CSMD1: variants seen among roughly 807,000 people sequenced by gnomAD.
CSMD1 encodes CUB and sushi domain-containing protein 1.
Under a neutral mutation model 417.5 loss-of-function variants are expected in CSMD1, and 213 were observed. The observed-to-expected ratio is 0.51, with a 90% CI of 0.46 to 0.57. CSMD1 has a LOEUF of 0.57. Among genes scored for constraint, CSMD1 ranks in the 20% least tolerant of loss-of-function variants. CSMD1 has a pLI of 0.00. For missense variants in CSMD1, 6,923 were observed against 4,529.7 expected (o/e 1.53, Z -15.17); for synonymous variants, 2,862 against 1,736.8 (o/e 1.65, Z -16.11).
intron 5 of CSMD1, among the ~76,000 whole-genome samples, chr8:3,933,045 T>A (rs1584989849): frequency 7.4e-6 from 1 of 135,580 alleles, no homozygotes; most frequent in Non-Finnish European, 1.6e-5. Flanking sequence ...AAAAAAAAAC[T>A]GCTTGTGGCA....
intron 1 of CSMD1, among the ~76,000 whole-genome samples, chr8:4,713,270 G>A (rs375072837): frequency 6.6e-6 from 1 of 152,250 alleles, no homozygotes; most frequent in Admixed American, 6.5e-5. Context: ...CGGAGCAGGA[G>A]AGTGTAGTTT....
intron 26 of CSMD1, among the ~76,000 whole-genome samples, chr8:3,234,072 A>G (rs1799011446): frequency 6.6e-6 from 1 of 152,084 alleles, no homozygotes; most frequent in Non-Finnish European, 1.5e-5. Flanking sequence ...GATATTTTCA[A>G]CCTCAGAAAG....
At chr8:4,751,111 G>T (rs7841214) in intron 1 of CSMD1, among the ~76,000 whole-genome samples, 4 of 152,284 alleles carry the variant, frequency 2.6e-5, no homozygotes, top group South Asian at 2.1e-4. Context: ...CTGCCTGGGA[G>T]CAGTGGCTCA....
At chr8:4,023,006 C>G (rs982533313) in intron 4 of CSMD1, among the ~76,000 whole-genome samples, 18 of 152,130 alleles carry the variant, frequency 1.2e-4, no homozygotes, top group Admixed American at 9.8e-4. Context: ...AGTCTTTTAC[C>G]AAATCCGTGT....
intron 23 of CSMD1, among the ~76,000 whole-genome samples, chr8:3,333,308 T>C (rs908386824): frequency 1.3e-5 from 2 of 152,328 alleles, no homozygotes; most frequent in Non-Finnish European, 2.9e-5. Flanking sequence ...TTCAGGCCCC[T>C]ACACGTGTGG....
At chr8:4,087,950 G>A (rs760871884) in intron 3 of CSMD1, among the ~76,000 whole-genome samples, 5 of 152,162 alleles carry the variant, frequency 3.3e-5, no homozygotes, top group Non-Finnish European at 5.9e-5. Context: ...AACAGGCTAA[G>A]AACGGTGGTA....
chr8:4,534,288 C>T (rs1312850925), intron 2 of CSMD1, among the ~76,000 whole-genome samples: 1 of 152,184 alleles, frequency 6.6e-6, no homozygotes, highest in Admixed American at 6.5e-5. Context: ...TCAAGGAGGC[C>T]AGCCCGACTC....
intron 46 of CSMD1, among the ~76,000 whole-genome samples, chr8:3,102,135 C>T (rs1815801734): frequency 6.6e-6 from 1 of 152,162 alleles, no homozygotes; most frequent in Non-Finnish European, 1.5e-5. Flanking sequence ...AGAAGACAGA[C>T]TAATAGCTAA....
chr8:4,869,163 T>C (rs1423744684), intron 1 of CSMD1, among the ~76,000 whole-genome samples: 1 of 152,024 alleles, frequency 6.6e-6, no homozygotes, highest in Admixed American at 6.6e-5. Flanking sequence ...ATCTATCTAG[T>C]AATAAATATG....
intron 7 of CSMD1, among the ~76,000 whole-genome samples, chr8:3,646,818 C>T (rs1177511762): frequency 1.3e-5 from 2 of 152,074 alleles, no homozygotes; most frequent in Admixed American, 6.6e-5. Flanking sequence ...TCTTGCTTCC[C>T]CTGCCTCCTC....
intron 50 of CSMD1, among the ~76,000 whole-genome samples, chr8:3,049,759 G>T (rs376791715): frequency 6.6e-6 from 1 of 152,054 alleles, no homozygotes; most frequent in Non-Finnish European, 1.5e-5. Flanking sequence ...TCATGTGAAC[G>T]CTGGGCTCTG....
At chr8:4,145,105 G>C (rs1000681190) in intron 3 of CSMD1, among the ~76,000 whole-genome samples, 5 of 151,134 alleles carry the variant, frequency 3.3e-5, no homozygotes, top group Admixed American at 3.3e-4. Context: ...ACTTGGTTAA[G>C]AATATAATTA....
At chr8:3,740,479 C>G (rs1298952775) in intron 6 of CSMD1, among the ~76,000 whole-genome samples, 2 of 152,300 alleles carry the variant, frequency 1.3e-5, no homozygotes, top group Non-Finnish European at 2.9e-5. Context: ...TGGGAGCCAT[C>G]CTTCTGCGGT....
intron 26 of CSMD1, among the ~76,000 whole-genome samples, chr8:3,264,811 T>C (rs1463759060): frequency 6.6e-6 from 1 of 152,120 alleles, no homozygotes; most frequent in Non-Finnish European, 1.5e-5. Flanking sequence ...GCCTCTGTTT[T>C]GCCTACTGTA....
chr8:3,574,810 G>C, intron 10 of CSMD1, 135 bp downstream of exon 10: 2 of 972,128 alleles, frequency 2.1e-6, no homozygotes, highest in Non-Finnish European at 3.0e-6. Context: ...TCTAGACACA[G>C]GATGCAGCTG....
intron 3 of CSMD1, among the ~76,000 whole-genome samples, chr8:4,246,442 C>T (rs954237813): frequency 2.0e-5 from 3 of 152,120 alleles, no homozygotes; most frequent in Non-Finnish European, 2.9e-5. Context: ...ACTCCATTTT[C>T]TTCGTATGGT....
At chr8:3,461,858 G>A (rs769030621) in intron 12 of CSMD1, among the ~76,000 whole-genome samples, 7 of 152,204 alleles carry the variant, frequency 4.6e-5, no homozygotes, top group African/African-American at 9.6e-5. Context: ...AGCAGAGACC[G>A]AGGCCCTGTG....
At chr8:4,853,419 T>C (rs1313559736) in intron 1 of CSMD1, among the ~76,000 whole-genome samples, 1 of 152,170 alleles carries the variant, frequency 6.6e-6, no homozygotes, top group Admixed American at 6.5e-5. Context: ...CTTCAGAGGG[T>C]GCAATCCATA....
intron 5 of CSMD1, among the ~76,000 whole-genome samples, chr8:3,992,915 A>G (rs1412257157): frequency 2.6e-5 from 4 of 152,242 alleles, no homozygotes; most frequent in African/African-American, 9.6e-5. Context: ...TTTTCTCACA[A>G]AAGATTGAAT....
Sources: gnomAD v4.1 joint callset for allele counts (sites outside exome capture counted in the v4.1 genomes callset) on GRCh38, gnomAD v4.1.1 for gene constraint, MANE v1.5 for transcripts, NCBI Gene and HGNC (gene_info 2026-07-23, HGNC 2026-07-21) for gene names.